Variants in CHRNB2 observed in about 807,000 individuals in gnomAD.
The protein encoded by CHRNB2 is cholinergic receptor nicotinic beta 2 subunit, also known as neuronal acetylcholine receptor subunit beta-2.
A neutral mutation model predicts 42.7 loss-of-function variants in CHRNB2; 33 were observed. That is an observed-to-expected ratio of 0.77 (90% CI 0.59 to 1.03). The LOEUF is 1.03. Ranked by LOEUF, CHRNB2 falls within the 50% of genes least tolerant of loss-of-function variation. The pLI is 0.00. For synonymous variants in CHRNB2, 325 were observed against 292.9 expected, an observed-to-expected ratio of 1.11 and a Z score of -1.12; for missense variants, 603 against 700.9, an observed-to-expected ratio of 0.86 and a Z score of 1.58.
In CHRNB2 at chr1:154,575,788, C is replaced by T. The variant is rs1374756061; in HGVS notation, c.1365C>T (p.Ala455=). The T allele has an allele frequency of 6.2e-7, 1 of 1,614,170 alleles. No homozygotes were observed. Among genetic ancestry groups the T allele is most frequent in the Admixed American group, 1.7e-5 (1 of 60,028 alleles). Residue 455 remains alanine (A), a synonymous_variant, in exon 6 of 6, where the codon GCC becomes GCT. Coordinates refer to ENST00000368476, the MANE Select transcript of CHRNB2 (RefSeq NM_000748.3). The stretch of plus-strand genomic sequence containing the variant: ...TGAGTGAGGACTGGAAGTACGTCGC[C>T]ATGGTGATCGACCGCCTCTTCCTCT... ...QSVSEDWKYV[A]MVIDRLFLWI...
chr1:154,573,097 AG>A (rs1337581321), intron 5 of CHRNB2, among the ~76,000 whole-genome samples: 1 of 152,144 alleles, frequency 6.6e-6, no homozygotes, highest in Non-Finnish European at 1.5e-5. Flanking sequence ...TGTGGGCCTC[AG>A]AGATCTGTTT....
intron 1 of CHRNB2, among the ~76,000 whole-genome samples, chr1:154,569,197 A>G (rs1285285763): frequency 6.6e-6 from 1 of 151,998 alleles, no homozygotes; most frequent in South Asian, 2.1e-4. Context: ...GCAGGTCTCC[A>G]TGAATCCTTG....
chr1:154,570,929 A>C, intron 4 of CHRNB2, among the ~76,000 whole-genome samples: 1 of 147,326 alleles, frequency 6.8e-6, no homozygotes, highest in Admixed American at 6.8e-5. Context: ...TCCTCCACCC[A>C]CCACCCCCTT....
At chr1:154,569,420 C>G in intron 1 of CHRNB2, 42 bp from the exon 2 acceptor site, 1 of 1,611,486 alleles carries the variant, frequency 6.2e-7, no homozygotes, top group Admixed American at 1.7e-5. Flanking sequence ...TGGGTGGGCT[C>G]TCCTTGCCTG....
chr1:154,577,273 G>C lies in CHRNB2; in HGVS notation c.*1341G>C, dbSNP rs1320067236. ...CAGATGGTGGGTTACAGACGGGTCA[G>C]CCTGCCAAGTGCACCTGAGGGACCT... On this transcript the variant is annotated 3_prime_UTR_variant, in exon 6 of 6. Transcript: ENST00000368476. 6.6e-6 allele frequency: 1 copy of C among 152,252 alleles called. No individual in the cohort carries two copies. The highest frequency in any genetic ancestry group is 1.5e-5 in the Non-Finnish European group (1 of 68,084). 9.4% of individuals were successfully genotyped at this position (152,252 alleles called of 1,614,324 possible). A position where few individuals can be genotyped will look rare whatever the true frequency, so the allele number is the denominator to read the frequency against.
intron 5 of CHRNB2, among the ~76,000 whole-genome samples, chr1:154,574,904 C>T (rs368180789): frequency 3.3e-5 from 5 of 152,344 alleles, no homozygotes; most frequent in East Asian, 3.9e-4. Context: ...CAGATAAACA[C>T]GTGCACAAAG....
Position 154,570,267 on chromosome 1 carries a change from G to T in CHRNB2, c.265G>T (p.Asp89Tyr). The T allele has an allele frequency of 6.2e-7, 1 of 1,609,978 alleles. No individual in the cohort carries two copies. The highest frequency in any genetic ancestry group is 1.7e-5 in the Admixed American group (1 of 59,654). ...TNVWLTQEWE[D>Y]YRLTWKPEEF... ...CTCTCTCATTTCCCAGGAGTGGGAA[G>T]ATTATCGCCTCACCTGGAAGCCTGA... Residue 89 changes from aspartate (D) to tyrosine (Y), a missense_variant, in exon 4 of 6, where the codon GAT (aspartate) becomes TAT (tyrosine). Physicochemically the swap from Asp to Tyr is radical, Grantham distance 160 (BLOSUM62 -3). Coordinates refer to ENST00000368476, the MANE Select transcript of CHRNB2 (RefSeq NM_000748.3).
At chr1:154,575,712 C>T (rs1696258843) in intron 5 of CHRNB2, 50 bp from the exon 6 acceptor site, 1 of 1,600,818 alleles carries the variant, frequency 6.2e-7, no homozygotes, top group Non-Finnish European at 8.6e-7. Flanking sequence ...ACTCGTTTGT[C>T]TCCCATCCTG....
At position 154,571,852 on chromosome 1, in the gene CHRNB2, G is replaced by T. The variant is rs777602905; in HGVS notation, c.1029G>T (p.Leu343=). 1.9e-6 allele frequency: 3 copies of T among 1,609,620 alleles called. No homozygotes were observed. The South Asian group carries it at 3.3e-5, about 18-fold the overall frequency. The part of the protein sequence containing the change: ...PWVKVVFLEK[L]PALLFMQQPR... ...TGAAGGTCGTCTTCCTGGAGAAGCT[G>T]CCCGCGCTGCTCTTCATGCAGCAGC... The change falls in exon 5 of 6, where the codon CTG becomes CTT. Residue 343 remains leucine, a synonymous_variant. Transcript: ENST00000368476. The surrounding 1 kb of genome is among the most constrained non-coding windows in gnomAD (Gnocchi z 6.8).
chr1:154,572,222 C>T, intron 5 of CHRNB2, 61 bp downstream of exon 5: 1 of 1,532,256 alleles, frequency 6.5e-7, no homozygotes, highest in Non-Finnish European at 8.7e-7. Context: ...GCCCGGGTAT[C>T]TGGAAAGCAG....
chr1:154,569,310 C>T, intron 1 of CHRNB2, 152 bp from the exon 2 acceptor site: 2 of 897,716 alleles, frequency 2.2e-6, no homozygotes, highest in Non-Finnish European at 3.6e-6. Flanking sequence ...AATCTGGGGC[C>T]TCCCTGGGGT....
chr1:154,570,241 CCT>C lies in CHRNB2; in HGVS notation c.256-11_256-10del. The stretch of plus-strand genomic sequence containing the variant: ...CCAGGGCACAAGTTGGTACTGCCTC[CCT>C]CTCTCATTTCCCAGGAGTGGGAAGA... On this transcript the variant is annotated splice_polypyrimidine_tract_variant and intron_variant, in intron 3 of 5. Transcript: ENST00000368476. 1.9e-6 allele frequency: 3 copies of C among 1,565,474 alleles called. No individual in the cohort carries two copies. The highest frequency in any genetic ancestry group is 2.6e-6 in the Non-Finnish European group (3 of 1,140,112).
Position 154,568,090 on chromosome 1 carries a change from C to T in CHRNB2, c.46C>T (p.Leu16Phe). ...CGTGGCGCTGCTCCTTGGCTTCGGC[C>T]TCCTCCGGCTGTGCTCAGGTAAGGG... is the stretch of plus-strand genomic sequence containing the variant. ...GPVALLLGFG[L>F]LRLCSGVWGT... is the part of the protein sequence containing the mutation. Residue 16 changes from leucine to phenylalanine, a missense_variant, in exon 1 of 6, where the codon CTC becomes TTC. By Grantham distance (22) the Leu-to-Phe change is conservative. Coordinates refer to ENST00000368476, the MANE Select transcript of CHRNB2 (RefSeq NM_000748.3). 1 of 1,603,978 alleles carries T rather than the reference C, an allele frequency of 6.2e-7. No homozygotes were observed.
chr1:154,570,378 T>C lies in CHRNB2; in HGVS notation c.365+11T>C. 2.0e-6 allele frequency: 3 copies of C among 1,525,400 alleles called. No homozygotes were observed. The South Asian group carries it at 3.4e-5, about 17-fold the overall frequency. 94.5% of individuals were successfully genotyped at this position (1,525,400 alleles called of 1,614,324 possible). A position where few individuals can be genotyped will look rare whatever the true frequency, so the allele number is the denominator to read the frequency against. On this transcript the variant is annotated intron_variant, in intron 4 of 5. Transcript: ENST00000368476. Reference sequence around the variant, plus strand: ...GGTCCTGTACAACAAGTAGGTGCAATGGGAAGGTTGGGGGAGACCATTGGA... The same window carrying C: ...GGTCCTGTACAACAAGTAGGTGCAACGGGAAGGTTGGGGGAGACCATTGGA...
Position 154,571,894 on chromosome 1 carries a change from C to A in CHRNB2, c.1071C>A (p.Ala357=). 6.3e-7 allele frequency: 1 copy of A among 1,588,090 alleles called. No homozygotes were observed. Among genetic ancestry groups the A allele is most frequent in the African/African-American group, 1.3e-5 (1 of 74,472 alleles). Residue 357 remains alanine, a synonymous_variant, in exon 5 of 6, where the codon GCC becomes GCA. Coordinates refer to ENST00000368476, the MANE Select transcript of CHRNB2 (RefSeq NM_000748.3). This position sits in a 1 kb window ranked among gnomAD's most constrained non-coding sequence, Gnocchi z 6.8. The part of the protein sequence containing the change: ...LFMQQPRHHC[A]RQRLRLRRRQ... The stretch of plus-strand genomic sequence containing the variant: ...TGCAGCAGCCACGCCATCATTGCGC[C>A]CGTCAGCGCCTGCGCCTGCGGCGAC...
At position 154,576,972 on chromosome 1, in the gene CHRNB2, CT is replaced by C. The variant is rs1696292606; in HGVS notation, c.*1043del. 2.0e-5 allele frequency: 3 copies of C among 152,256 alleles called. No individual in the cohort carries two copies. The highest frequency in any genetic ancestry group is 4.4e-5 in the Non-Finnish European group (3 of 68,078). The allele number at this position is 152,256 out of a possible 1,614,324, so 9.4% of individuals were successfully genotyped here. A position where few individuals can be genotyped will look rare whatever the true frequency, so the allele number is the denominator to read the frequency against. ...TAAGGAAGTGAACTGAGGATGTTAG[CT>C]TTAAGCCAACCCAGCCTCTTTGTCC... On this transcript the variant is annotated 3_prime_UTR_variant, in exon 6 of 6. Coordinates refer to ENST00000368476, the MANE Select transcript of CHRNB2 (RefSeq NM_000748.3).
intron 1 of CHRNB2, 87 bp downstream of exon 1, chr1:154,568,195 C>A: frequency 1.4e-6 from 2 of 1,461,210 alleles, no homozygotes; most frequent in African/African-American, 1.4e-5. Context: ...CCTGCTAGGC[C>A]GGAAGGTGGA....
At position 154,571,618 on chromosome 1, in the gene CHRNB2, G is replaced by A. The variant is rs1274160854; in HGVS notation, c.795G>A (p.Lys265=). Residue 265 remains lysine, a synonymous_variant, in exon 5 of 6, where the codon AAG becomes AAA. Transcript: ENST00000368476. The surrounding 1 kb of genome is among the most constrained non-coding windows in gnomAD (Gnocchi z 6.8). ...ACCTGCCATCCGACTGTGGCGAGAA[G>A]ATGACGTTGTGCATCTCAGTGCTGC... ...VFYLPSDCGE[K]MTLCISVLLA... The A allele has an allele frequency of 6.2e-7, 1 of 1,614,250 alleles. No individual in the cohort carries two copies. The highest frequency in any genetic ancestry group is 1.7e-5 in the Admixed American group (1 of 60,030).
At position 154,579,550 on chromosome 1, in the gene CHRNB2, G is replaced by T; in HGVS notation, c.*3618G>T. 6.6e-6 allele frequency: 1 copy of T among 152,454 alleles called. No individual in the cohort carries two copies. The allele number at this position is 152,454 out of a possible 1,614,324, so 9.4% of individuals were successfully genotyped here. ...GTTGTCCCCCCCTTGTTTCCGGGCA[G>T]AGTCAGGCAGGTGTCATACCATCCC... On this transcript the variant is annotated 3_prime_UTR_variant, in exon 6 of 6. Coordinates refer to ENST00000368476, the MANE Select transcript of CHRNB2 (RefSeq NM_000748.3).
Sources: gnomAD v4.1 joint callset for allele counts (sites outside exome capture counted in the v4.1 genomes callset) on GRCh38, gnomAD v4.1.1 for gene constraint, Gnocchi (gnomAD v3.1) non-coding constraint, MANE v1.5 for transcripts, NCBI Gene and HGNC (gene_info 2026-07-23, HGNC 2026-07-21) for gene names.